Variants in ATG16L2 observed in about 807,000 individuals in gnomAD.
ATG16L2 encodes protein Atg16l2.
A neutral mutation model predicts 84.7 loss-of-function variants in ATG16L2; 77 were observed. The observed-to-expected ratio is 0.91, with a 90% CI of 0.76 to 1.10. The LOEUF is 1.10. Among genes scored for constraint, ATG16L2 ranks in the 50% least tolerant of loss-of-function variants. ATG16L2 has a pLI of 0.00. For synonymous variants in ATG16L2, 361 were observed against 342.8 expected, an observed-to-expected ratio of 1.05 and a Z score of -0.59; for missense variants, 782 against 817.6, an observed-to-expected ratio of 0.96 and a Z score of 0.53.
At chr11:72,821,387 G>T in intron 3 of ATG16L2, 4 of 1,246,410 alleles carry the variant, frequency 3.2e-6, no homozygotes, top group Non-Finnish European at 4.1e-6. Flanking sequence ...GCAGTGGAGC[G>T]GGTTGCTCTT....
chr11:72,828,810 T>A (rs936393227), intron 16 of ATG16L2, 34 bp downstream of exon 16: 100 of 1,614,060 alleles, frequency 6.2e-5, no homozygotes, highest in Non-Finnish European at 8.1e-5. Context: ...TGTGTCCAAG[T>A]GTGCCCTGCC....
chr11:72,841,610 C>T (rs762585135), intron 5 of ATG16L2: 110 of 1,568,212 alleles, frequency 7.0e-5, no homozygotes, highest in Non-Finnish European at 8.7e-5. Flanking sequence ...CGAGGTTACC[C>T]GGTGCTCCCC....
At chr11:72,826,372 ATCC>A (rs1418417928) in intron 11 of ATG16L2, 129 bp downstream of exon 11, 1 of 1,423,818 alleles carries the variant, frequency 7.0e-7, no homozygotes, top group African/African-American at 1.4e-5. Flanking sequence ...TCTTACACAG[ATCC>A]TCCTCCTTGG....
At chr11:72,820,245 G>A (rs569279274) in intron 3 of ATG16L2, 3 of 152,192 alleles carry the variant, frequency 2.0e-5, no homozygotes, top group Non-Finnish European at 4.4e-5. Flanking sequence ...AGGAAACTGG[G>A]ATTGGTATGA....
Position 72,822,411 on chromosome 11 carries a change from C to A in ATG16L2, c.645-67C>A. ...AGCAGCCGCCCCCTGGAGGAAGGGA[C>A]CGGGTCTAGCCCCGCCTGCGTGCGA... On this transcript the variant is annotated intron_variant, in intron 5 of 17. Transcript: ENST00000321297. The surrounding 1 kb of genome is among the most constrained non-coding windows in gnomAD (Gnocchi z 4.2). 1 of 1,601,106 alleles carries A rather than the reference C, an allele frequency of 6.2e-7. No individual in the cohort carries two copies. The highest frequency in any genetic ancestry group is 8.5e-7 in the Non-Finnish European group (1 of 1,175,734).
intron 5 of ATG16L2, chr11:72,841,573 G>A: frequency 2.5e-6 from 4 of 1,605,078 alleles, no homozygotes; most frequent in Non-Finnish European, 3.4e-6. Context: ...TGGCTTGGGG[G>A]AAGGAGAGAT....
intron 14 of ATG16L2, among the ~76,000 whole-genome samples, 186 bp downstream of exon 14, chr11:72,827,479 G>A (rs1860431609): frequency 6.6e-6 from 1 of 152,242 alleles, no homozygotes; most frequent in South Asian, 2.1e-4. Context: ...CTGTGCCACT[G>A]TCTTCATGGC....
Position 72,822,149 on chromosome 11 carries a change from C to T in ATG16L2, c.498C>T (p.Ala166=). ...WRAQNAVQRA[A]YEALRAHVGL... is the part of the protein sequence containing the mutation. ...CGCAGAATGCGGTGCAGCGGGCAGC[C>T]TACGAGGCGCTGCGCGCGCACGTCG... Residue 166 remains alanine, a synonymous_variant, in exon 5 of 18, where the codon GCC becomes GCT. Coordinates refer to ENST00000321297, the MANE Select transcript of ATG16L2 (RefSeq NM_033388.2). This position sits in a 1 kb window ranked among gnomAD's most constrained non-coding sequence, Gnocchi z 4.2. 1.3e-6 allele frequency: 2 copies of T among 1,492,400 alleles called. No homozygotes were observed. The highest frequency in any genetic ancestry group is 2.6e-5 in the East Asian group (1 of 38,740). 92.4% of individuals were successfully genotyped at this position (1,492,400 alleles called of 1,614,324 possible).
intron 13 of ATG16L2, 150 bp downstream of exon 13, chr11:72,826,973 G>A: frequency 4.1e-6 from 4 of 981,888 alleles, no homozygotes; most frequent in Non-Finnish European, 6.0e-6. Context: ...ATTCCCTAAT[G>A]GTATCCCCCA....
chr11:72,841,191 G>T (rs958573222), intron 5 of ATG16L2, among the ~76,000 whole-genome samples: 2 of 151,688 alleles, frequency 1.3e-5, no homozygotes, highest in Non-Finnish European at 2.9e-5. Flanking sequence ...AAAATTAGCT[G>T]TGTGTGGTGG....
At chr11:72,823,064 G>T (rs1591304706) in intron 7 of ATG16L2, 103 bp downstream of exon 7, 1 of 785,974 alleles carries the variant, frequency 1.3e-6, no homozygotes, top group Non-Finnish European at 2.0e-6. Flanking sequence ...GGGTTGGGAG[G>T]GGGCTTGAGG....
Position 72,822,568 on chromosome 11 carries a change from G to T in ATG16L2, c.710+25G>T, listed in dbSNP as rs754309110. The T allele has an allele frequency of 5.0e-6, 8 of 1,607,272 alleles. No homozygotes were observed. In the Admixed American group the frequency reaches 1.2e-4, roughly 24 times the overall value. On this transcript the variant is annotated intron_variant, in intron 6 of 17. Coordinates refer to ENST00000321297, the MANE Select transcript of ATG16L2 (RefSeq NM_033388.2). The surrounding 1 kb of genome is among the most constrained non-coding windows in gnomAD (Gnocchi z 4.2). Reference sequence around the variant, plus strand: ...AGTAAGAGTGGGGATGGGCCGGTCCGACCCTTGCGTTCTGCCTCCCGCCCC... The same window carrying T: ...AGTAAGAGTGGGGATGGGCCGGTCCTACCCTTGCGTTCTGCCTCCCGCCCC...
downstream of ATG16L2, chr11:72,829,658 A>G (rs1860561928): frequency 2.4e-6 from 3 of 1,246,770 alleles, no homozygotes; most frequent in South Asian, 4.0e-5. Flanking sequence ...ACCTCTTTGC[A>G]GCATTCATGG....
chr11:72,826,540 C>G lies in ATG16L2; in HGVS notation c.1196C>G (p.Thr399Ser). The stretch of plus-strand genomic sequence containing the variant: ...CAGGGCTACCAGGTTTTAGCAGCAA[C>G]TTACAACCAGGCTGCCCAGCTCTGG... ...DPSGYQVLAATYNQAAQLWKV... is the reference protein window; with the variant it reads ...DPSGYQVLAASYNQAAQLWKV... Residue 399 changes from threonine (T) to serine (S), a missense_variant, in exon 12 of 18, where the codon ACT becomes AGT. Transcript: ENST00000321297. 2 of 1,614,150 alleles carry G rather than the reference C, an allele frequency of 1.2e-6. No homozygotes were observed. Among genetic ancestry groups the G allele is most frequent in the Non-Finnish European group, 1.7e-6 (2 of 1,180,016 alleles).
At chr11:72,832,020 T>G (rs1860617532), downstream of ATG16L2, among the ~76,000 whole-genome samples, 1 of 152,188 alleles carries the variant, frequency 6.6e-6, no homozygotes, top group South Asian at 2.1e-4. Flanking sequence ...CCTGACTCCC[T>G]CCCTACATCT....
chr11:72,829,291 C>T lies in ATG16L2; in HGVS notation c.1773-12C>T. 1 of 1,612,272 alleles carries T rather than the reference C, an allele frequency of 6.2e-7. No homozygotes were observed. Among genetic ancestry groups the T allele is most frequent in the Non-Finnish European group, 8.5e-7 (1 of 1,179,012 alleles). The stretch of plus-strand genomic sequence containing the variant: ...TGAAGCCCCCCTGAAGCCTGCCCCT[C>T]CCTTTCCCCAGCGCTGCCGTCAACG... On this transcript the variant is annotated splice_polypyrimidine_tract_variant and intron_variant, in intron 17 of 17. Coordinates refer to ENST00000321297, the MANE Select transcript of ATG16L2 (RefSeq NM_033388.2).
exon 6 of ATG16L2, chr11:72,843,653 T>TA: frequency 1.5e-6 from 1 of 681,622 alleles, no homozygotes; most frequent in Non-Finnish European, 2.6e-6. Flanking sequence ...ATGTTGAACA[T>TA]AAAAATTTAA....
chr11:72,821,480 G>A, intron 3 of ATG16L2, 188 bp from the exon 4 acceptor site: 1 of 1,405,462 alleles, frequency 7.1e-7, no homozygotes, highest in Non-Finnish European at 9.3e-7. Context: ...CAGAGCCCGA[G>A]GGCCTTCCAC....
At chr11:72,842,663 T>C in exon 6 of ATG16L2, 3 of 1,614,038 alleles carry the variant, frequency 1.9e-6, no homozygotes, top group Non-Finnish European at 2.5e-6. Context: ...TTTCTGAGGC[T>C]GAAAGTTCTT....
Sources: gnomAD v4.1 joint callset for allele counts (sites outside exome capture counted in the v4.1 genomes callset) on GRCh38, gnomAD v4.1.1 for gene constraint, Gnocchi (gnomAD v3.1) non-coding constraint, MANE v1.5 for transcripts, NCBI Gene and HGNC (gene_info 2026-07-23, HGNC 2026-07-21) for gene names.